The following SMNDC1 variants were observed in gnomAD, a reference collection of about 807,000 sequenced individuals.
SMNDC1 encodes the protein survival of motor neuron-related-splicing factor 30.
In SMNDC1, 5 loss-of-function variants were observed where a neutral mutation model predicts 29.2. That is an observed-to-expected ratio of 0.17 (90% CI 0.09 to 0.36). The LOEUF is 0.36. Among genes scored for constraint, SMNDC1 ranks in the 10% least tolerant of loss-of-function variants. The pLI is 1.00. For synonymous variants in SMNDC1, 80 were observed against 89.9 expected (o/e 0.89, Z 0.62); for missense variants, 142 against 268.5 (o/e 0.53, Z 3.29).
rs1257677316 is a variant in SMNDC1, at chr10:110,291,783, A to G, written c.*2367T>C. ...GTGGCCTCCCTACATGTTAATTAAAATAGCACTTGTTACCTGTGATTACCA... is the reference window on the plus strand; with the variant it reads ...GTGGCCTCCCTACATGTTAATTAAAGTAGCACTTGTTACCTGTGATTACCA... On this transcript the variant is annotated 3_prime_UTR_variant, in exon 6 of 6. Transcript: ENST00000369603. The G allele has an allele frequency of 6.6e-6, 1 of 152,250 alleles. No homozygotes were observed. The highest frequency in any genetic ancestry group is 1.5e-5 in the Non-Finnish European group (1 of 68,052). The allele number at this position is 152,250 out of a possible 1,614,324, so 9.4% of individuals were successfully genotyped here. A position where few individuals can be genotyped will look rare whatever the true frequency, so the allele number is the denominator to read the frequency against.
chr10:110,296,021 G>A lies in SMNDC1; in HGVS notation c.426-640C>T, dbSNP rs573633942. On this transcript the variant is annotated intron_variant, in intron 4 of 5. Transcript: ENST00000369603. ...ATAAGTTGAGTTTCAGTATTAATGG[G>A]TATCTAAGCCTTCAACTACTTCCAA... 2.0e-4 allele frequency among the ~76,000 whole-genome samples: 30 copies of A among 152,236 alleles called. No homozygotes were observed. The South Asian group carries it at 4.8e-3, about 24-fold the overall frequency.
At position 110,298,920 on chromosome 10, in the gene SMNDC1, TAAGC is replaced by T. The variant is rs1857607787; in HGVS notation, c.121-134_121-131del. 4 of 648,024 alleles carry T rather than the reference TAAGC, an allele frequency of 6.2e-6. No individual in the cohort carries two copies. In the East Asian group the frequency reaches 1.1e-4, roughly 18 times the overall value. 40.1% of individuals were successfully genotyped at this position (648,024 alleles called of 1,614,324 possible). On this transcript the variant is annotated intron_variant, in intron 2 of 5. Coordinates refer to ENST00000369603, the MANE Select transcript of SMNDC1 (RefSeq NM_005871.4). ...TTTCATTTGCAGCTCATAACACTATTAAGCAAGTACTGTGATTATCCCCATGTAG... is the reference window on the plus strand; with the variant it reads ...TTTCATTTGCAGCTCATAACACTATTAAGTACTGTGATTATCCCCATGTAG...
At chr10:110,296,392 T>C (rs1490633117) in intron 4 of SMNDC1, among the ~76,000 whole-genome samples, 1 of 152,184 alleles carries the variant, frequency 6.6e-6, no homozygotes, top group Admixed American at 6.5e-5. Context: ...CATTAAAAAA[T>C]ATATATATAC....
intron 2 of SMNDC1, among the ~76,000 whole-genome samples, chr10:110,303,053 G>A (rs1857678484): frequency 1.3e-5 from 2 of 151,568 alleles, no homozygotes; most frequent in Admixed American, 6.6e-5. Context: ...CATTTTCAAA[G>A]AATCTTGTGG....
intron 4 of SMNDC1, among the ~76,000 whole-genome samples, chr10:110,296,415 T>C (rs1554861746): frequency 6.6e-6 from 1 of 152,178 alleles, no homozygotes; most frequent in Non-Finnish European, 1.5e-5. Context: ...TGTTCTAGAA[T>C]TTTATTTTAT....
rs1857500853 is a variant in SMNDC1 at position 110,291,627 on chromosome 10, T to C, written c.*2523A>G. ...TCAATCCTTAAAACTGAAACAGATT[T>C]TTCCATTCTACAGCTGAGAAAAATG... On this transcript the variant is annotated 3_prime_UTR_variant, in exon 6 of 6. Coordinates refer to ENST00000369603, the MANE Select transcript of SMNDC1 (RefSeq NM_005871.4). 2 of 152,224 alleles carry C rather than the reference T, an allele frequency of 1.3e-5. No individual in the cohort carries two copies. Among genetic ancestry groups the C allele is most frequent in the Admixed American group, 6.5e-5 (1 of 15,278 alleles). The allele number at this position is 152,224 out of a possible 1,614,324, so 9.4% of individuals were successfully genotyped here.
chr10:110,295,456 T>A, intron 4 of SMNDC1, 75 bp from the exon 5 acceptor site: 1 of 1,195,858 alleles, frequency 8.4e-7, no homozygotes, highest in Non-Finnish European at 1.1e-6. Flanking sequence ...ACACCGGCAG[T>A]GCAAAAAAAA....
At chr10:110,296,381 A>C (rs1003860399) in intron 4 of SMNDC1, among the ~76,000 whole-genome samples, 4 of 152,184 alleles carry the variant, frequency 2.6e-5, no homozygotes, top group African/African-American at 9.7e-5. Context: ...GATGACAAAG[A>C]CATTAAAAAA....
At position 110,293,437 on chromosome 10, in the gene SMNDC1, C is replaced by T. The variant is rs1240787892; in HGVS notation, c.*713G>A. Reference sequence around the variant, plus strand: ...TTCTCCCATATAAACATCACACATCCAAAACATGGTACCACTGCCGTAAAT... The same window carrying T: ...TTCTCCCATATAAACATCACACATCTAAAACATGGTACCACTGCCGTAAAT... On this transcript the variant is annotated 3_prime_UTR_variant, in exon 6 of 6. Coordinates refer to ENST00000369603, the MANE Select transcript of SMNDC1 (RefSeq NM_005871.4). 1.3e-5 allele frequency: 2 copies of T among 152,378 alleles called. No individual in the cohort carries two copies. Among genetic ancestry groups the T allele is most frequent in the Non-Finnish European group, 2.9e-5 (2 of 67,990 alleles). The allele number at this position is 152,378 out of a possible 1,614,324, so 9.4% of individuals were successfully genotyped here. A position where few individuals can be genotyped will look rare whatever the true frequency, so the allele number is the denominator to read the frequency against.
chr10:110,297,773 A>C (rs1209783344), intron 3 of SMNDC1, 45 bp from the exon 4 acceptor site: 3 of 1,564,452 alleles, frequency 1.9e-6, no homozygotes. Context: ...AAGGTTTAGT[A>C]CTCAGCCTAC....
intron 1 of SMNDC1, 198 bp from the exon 2 acceptor site, chr10:110,303,785 G>A (rs758819104): frequency 1.2e-5 from 6 of 509,516 alleles, no homozygotes; most frequent in African/African-American, 2.0e-5. Context: ...AGATTCTGAG[G>A]ATTATAAACT....
Position 110,291,233 on chromosome 10 carries a change from G to A in SMNDC1, c.*2917C>T, listed in dbSNP as rs1857496458. ...AAACAACATACCTTGGCCTGGATAA[G>A]TCTAAGGTTGGTCCCAGGCCCACAA... On this transcript the variant is annotated 3_prime_UTR_variant, in exon 6 of 6. Coordinates refer to ENST00000369603, the MANE Select transcript of SMNDC1 (RefSeq NM_005871.4). The A allele has an allele frequency of 6.6e-6, 1 of 152,188 alleles. No individual in the cohort carries two copies. The highest frequency in any genetic ancestry group is 2.4e-5 in the African/African-American group (1 of 41,434). 9.4% of individuals were successfully genotyped at this position (152,188 alleles called of 1,614,324 possible).
In SMNDC1 at chr10:110,290,858, G is replaced by T. The variant is rs1356827084; in HGVS notation, c.*3292C>A. 3 of 152,080 alleles carry T rather than the reference G, an allele frequency of 2.0e-5. No individual in the cohort carries two copies. The highest frequency in any genetic ancestry group is 4.4e-5 in the Non-Finnish European group (3 of 68,016). The allele number at this position is 152,080 out of a possible 1,614,324, so 9.4% of individuals were successfully genotyped here. On this transcript the variant is annotated 3_prime_UTR_variant, in exon 6 of 6. Transcript: ENST00000369603. ...TTTTTGGTTGAATTTACAACTGGTA[G>T]TTTTTTATCTTATAAAAATTGTAAT...
At chr10:110,295,140 C>T (rs1468294051) in intron 5 of SMNDC1, 88 bp downstream of exon 5, 2 of 1,275,114 alleles carry the variant, frequency 1.6e-6, no homozygotes, top group Non-Finnish European at 2.2e-6. Context: ...TCATACTTTA[C>T]AAAAAATCTC....
chr10:110,302,600 G>C (rs1206225860), intron 2 of SMNDC1, among the ~76,000 whole-genome samples: 1 of 152,202 alleles, frequency 6.6e-6, no homozygotes, highest in Non-Finnish European at 1.5e-5. Context: ...ACAGGATACA[G>C]ATTTGAGTTT....
At position 110,293,808 on chromosome 10, in the gene SMNDC1, G is replaced by A. The variant is rs2134497156; in HGVS notation, c.*342C>T. On this transcript the variant is annotated 3_prime_UTR_variant, in exon 6 of 6. Transcript: ENST00000369603. The stretch of plus-strand genomic sequence containing the variant: ...AGTATGTGTCAAGTTCAAAGCATCT[G>A]AAAATTTCAAGTTACAACTTACAAA... 1.2e-5 allele frequency: 2 copies of A among 162,198 alleles called. No homozygotes were observed. Among genetic ancestry groups the A allele is most frequent in the Non-Finnish European group, 2.7e-5 (2 of 74,804 alleles). 10.0% of individuals were successfully genotyped at this position (162,198 alleles called of 1,614,324 possible).
intron 4 of SMNDC1, among the ~76,000 whole-genome samples, chr10:110,297,176 G>T (rs1053517928): frequency 3.9e-5 from 6 of 152,152 alleles, no homozygotes; most frequent in African/African-American, 1.2e-4. Context: ...TACAGTACCT[G>T]TTATAGCTCC....
intron 2 of SMNDC1, among the ~76,000 whole-genome samples, chr10:110,302,285 T>C (rs1857663926): frequency 6.6e-6 from 1 of 152,230 alleles, no homozygotes; most frequent in African/African-American, 2.4e-5. Context: ...CAAAACATCT[T>C]TTTTGTATTG....
chr10:110,303,861 C>T, intron 1 of SMNDC1: 1 of 352,220 alleles, frequency 2.8e-6, no homozygotes, highest in Non-Finnish European at 5.1e-6. Flanking sequence ...TCTTTTAACT[C>T]CTATCCACAG....
Sources: allele counts gnomAD v4.1 joint callset (sites outside exome capture counted in the v4.1 genomes callset), GRCh38; gene constraint gnomAD v4.1.1; transcripts MANE v1.5; gene names NCBI Gene and HGNC (gene_info 2026-07-23, HGNC 2026-07-21).